EBF1: variants seen among roughly 807,000 people sequenced by gnomAD.
The protein encoded by EBF1 is transcription factor COE1.
In EBF1, 10 loss-of-function variants were observed where a neutral mutation model predicts 68.4. The ratio of observed to expected loss-of-function variants is 0.15; its 90% CI spans 0.09 to 0.25. EBF1 has a LOEUF of 0.25. Among genes scored for constraint, EBF1 ranks in the 10% least tolerant of loss-of-function variants. The pLI is 1.00. For missense variants in EBF1, 509 were observed against 794.4 expected (o/e 0.64, Z 4.32); for synonymous variants, 298 against 299.8 (o/e 0.99, Z 0.06).
chr5:158,885,813 T>C (rs1229668439), intron 6 of EBF1, among the ~76,000 whole-genome samples: 1 of 152,232 alleles, frequency 6.6e-6, no homozygotes, highest in Non-Finnish European at 1.5e-5. Flanking sequence ...TCAACCATTA[T>C]TCTCTGCCAT....
intron 6 of EBF1, among the ~76,000 whole-genome samples, chr5:159,041,098 A>C (rs17056474): frequency 0.08 from 12,116 of 152,240 alleles, 506 homozygotes; most frequent in Middle Eastern, 0.12. Flanking sequence ...AGTTCAGTAC[A>C]CCACAATTTG....
intron 6 of EBF1, among the ~76,000 whole-genome samples, chr5:158,978,391 T>A (rs1757201782): frequency 6.6e-6 from 1 of 152,228 alleles, no homozygotes; most frequent in Non-Finnish European, 1.5e-5. Context: ...GAGAACACAC[T>A]GAATTTCCCC....
intron 11 of EBF1, among the ~76,000 whole-genome samples, chr5:158,725,679 G>T (rs1261511955): frequency 2.0e-5 from 3 of 152,206 alleles, no homozygotes; most frequent in African/African-American, 7.2e-5. Context: ...GTAATGAGGA[G>T]ACCATATGGT....
intron 6 of EBF1, among the ~76,000 whole-genome samples, chr5:159,061,735 T>G (rs1050032900): frequency 5.9e-5 from 9 of 151,966 alleles, no homozygotes; most frequent in South Asian, 4.2e-4. Context: ...TTTTGTTTTT[T>G]TTTTTTTTAC....
chr5:158,701,807 G>T (rs1463949648), intron 15 of EBF1, among the ~76,000 whole-genome samples: 1 of 152,180 alleles, frequency 6.6e-6, no homozygotes, highest in Non-Finnish European at 1.5e-5. Flanking sequence ...GGTCTAGGGG[G>T]TGGGTTTGGC....
At chr5:158,763,686 T>C (rs7713779) in intron 10 of EBF1, among the ~76,000 whole-genome samples, 50 of 152,286 alleles carry the variant, frequency 3.3e-4, no homozygotes, top group African/African-American at 1.1e-3. Context: ...AAATAAAGAG[T>C]TTATCAAACG....
chr5:159,073,740 C>T (rs570638623), intron 5 of EBF1: 1 of 437,112 alleles, frequency 2.3e-6, no homozygotes, highest in Non-Finnish European at 4.2e-6. Context: ...CCCATGACTG[C>T]CCGCGGTGCT....
At chr5:159,003,661 G>T (rs1762995591) in intron 6 of EBF1, among the ~76,000 whole-genome samples, 1 of 152,224 alleles carries the variant, frequency 6.6e-6, no homozygotes, top group South Asian at 2.1e-4. Flanking sequence ...TATAGGCAGA[G>T]GGACTCAAAG....
intron 8 of EBF1, among the ~76,000 whole-genome samples, chr5:158,817,002 G>A (rs1015254444): frequency 6.6e-6 from 1 of 152,112 alleles, no homozygotes; most frequent in Admixed American, 6.5e-5. Context: ...AGGAGCCCAT[G>A]TAATTGAAAC....
At chr5:158,722,644 A>T (rs1365133220) in intron 11 of EBF1, among the ~76,000 whole-genome samples, 2 of 152,248 alleles carry the variant, frequency 1.3e-5, no homozygotes, top group East Asian at 3.8e-4. Context: ...GAGCATGAAC[A>T]TCATCGGTTA....
intron 10 of EBF1, among the ~76,000 whole-genome samples, chr5:158,774,188 G>C (rs147727057): frequency 6.6e-6 from 1 of 151,986 alleles, no homozygotes; most frequent in Non-Finnish European, 1.5e-5. Flanking sequence ...TGGATTCCTC[G>C]TGCGTCTCTG....
intron 6 of EBF1, among the ~76,000 whole-genome samples, chr5:158,947,479 G>A (rs1583392768): frequency 6.6e-6 from 1 of 152,164 alleles, no homozygotes. Flanking sequence ...TCCAGGTGAG[G>A]CAGCGCCCCG....
At position 159,030,091 on chromosome 5, in the gene EBF1, C is replaced by T. The variant is rs574526406; in HGVS notation, c.554+43305G>A. On this transcript the variant is annotated intron_variant, in intron 6 of 15. Transcript: ENST00000313708. ...CCATTAAACCTAGGCTATGTAGAGA[C>T]ACAGAAAAAATATATATATACTTTG... 3.5e-3 allele frequency among the ~76,000 whole-genome samples: 126 copies of T among 35,592 alleles called. No homozygotes were observed. In the African/African-American group the frequency reaches 0.045, roughly 13 times the overall value. 23.3% of individuals were successfully genotyped at this position (35,592 alleles called of 152,430 possible).
intron 10 of EBF1, among the ~76,000 whole-genome samples, chr5:158,753,439 ATGGG>A (rs1277587458): frequency 1.3e-4 from 20 of 152,120 alleles, no homozygotes; most frequent in African/African-American, 4.6e-4. Flanking sequence ...TAGCCCTCTG[ATGGG>A]TTCTGGCTAT....
rs111610044 is a variant in EBF1 at position 158,868,524 on chromosome 5, C to T, written c.555-28414G>A. Reference sequence around the variant, plus strand: ...CTAGTTCAAGGACTAACACCCTTCACGTCCCCTAATACATTAGAGAGAAGT... The same window carrying T: ...CTAGTTCAAGGACTAACACCCTTCATGTCCCCTAATACATTAGAGAGAAGT... On this transcript the variant is annotated intron_variant, in intron 6 of 15. Coordinates refer to ENST00000313708, the MANE Select transcript of EBF1 (RefSeq NM_024007.5). Among the ~76,000 whole-genome samples, 216 of 152,288 alleles carry T rather than the reference C, an allele frequency of 1.4e-3. 1 individual carries two copies. The highest frequency in any genetic ancestry group is 5.0e-3 in the African/African-American group (206 of 41,572).
chr5:159,012,691 G>T (rs1764905664), intron 6 of EBF1, among the ~76,000 whole-genome samples: 1 of 152,076 alleles, frequency 6.6e-6, no homozygotes, highest in Admixed American at 6.5e-5. Flanking sequence ...TAGAGAAAGG[G>T]TTTCGCCATG....
chr5:158,881,386 A>T (rs922066366), intron 6 of EBF1, among the ~76,000 whole-genome samples: 1 of 152,176 alleles, frequency 6.6e-6, no homozygotes, highest in Non-Finnish European at 1.5e-5. Context: ...GTGATTCTGG[A>T]TACAGTTCTC....
At chr5:158,994,917 C>T (rs1294529284) in intron 6 of EBF1, among the ~76,000 whole-genome samples, 1 of 152,184 alleles carries the variant, frequency 6.6e-6, no homozygotes, top group Non-Finnish European at 1.5e-5. Flanking sequence ...TTTAACACTT[C>T]AGAAATGAAT....
At chr5:158,858,672 A>G (rs111807578) in intron 6 of EBF1, among the ~76,000 whole-genome samples, 2 of 152,174 alleles carry the variant, frequency 1.3e-5, no homozygotes, top group African/African-American at 4.8e-5. Flanking sequence ...GCAAAATATC[A>G]AGTTTCATAT....
Sources: gnomAD v4.1 joint callset for allele counts (sites outside exome capture counted in the v4.1 genomes callset) on GRCh38, gnomAD v4.1.1 for gene constraint, MANE v1.5 for transcripts, NCBI Gene and HGNC (gene_info 2026-07-23, HGNC 2026-07-21) for gene names.